Variants in TTC23 observed in about 807,000 individuals in gnomAD.
TTC23 encodes the protein tetratricopeptide repeat protein 23.
A neutral mutation model predicts 55.1 loss-of-function variants in TTC23; 58 were observed. That is an observed-to-expected ratio of 1.05 (90% CI 0.85 to 1.31). TTC23 has a LOEUF of 1.31. Among genes scored for constraint, TTC23 ranks in the 50% most tolerant of loss-of-function variants. The probability of loss-of-function intolerance (pLI) is 0.00; values close to 1 mark genes in which losing one functional copy is unlikely to be tolerated. For synonymous variants in TTC23, 203 were observed against 199.9 expected (o/e 1.02, Z -0.13); for missense variants, 516 against 534.4 (o/e 0.97, Z 0.34).
At chr15:99,228,492 C>G in intron 5 of TTC23, 41 bp downstream of exon 5, 2 of 1,533,504 alleles carry the variant, frequency 1.3e-6, no homozygotes, top group Non-Finnish European at 1.8e-6. Flanking sequence ...CCATATAGCT[C>G]AATTCTCAGA....
chr15:99,248,771 A>G (rs1474220917), intron 1 of TTC23, among the ~76,000 whole-genome samples: 3 of 152,244 alleles, frequency 2.0e-5, no homozygotes, highest in African/African-American at 7.2e-5. Flanking sequence ...CATGTTCATC[A>G]ACGTTTCCTT....
chr15:99,142,444 T>G (rs782518127), intron 12 of TTC23, among the ~76,000 whole-genome samples: 3 of 152,242 alleles, frequency 2.0e-5, no homozygotes, highest in Admixed American at 6.5e-5. Context: ...TTTATATATT[T>G]ATGAGTGCCT....
chr15:99,136,676 C>G lies in TTC23; in HGVS notation c.*1334G>C, dbSNP rs1165186204. The stretch of plus-strand genomic sequence containing the variant: ...ATCCCTTTGGGGATTAGGGCTTCAA[C>G]GTGAATTGGGAGCATATGAACATTC... On this transcript the variant is annotated 3_prime_UTR_variant, in exon 14 of 14. Coordinates refer to ENST00000394132, the MANE Select transcript of TTC23 (RefSeq NM_001288615.3). 6.6e-6 allele frequency: 1 copy of G among 152,320 alleles called. No homozygotes were observed. Among genetic ancestry groups the G allele is most frequent in the African/African-American group, 2.4e-5 (1 of 41,452 alleles). 9.4% of individuals were successfully genotyped at this position (152,320 alleles called of 1,614,324 possible). A position where few individuals can be genotyped will look rare whatever the true frequency, so the allele number is the denominator to read the frequency against.
intron 12 of TTC23, among the ~76,000 whole-genome samples, chr15:99,143,487 TAA>T (rs367580374): frequency 1.6e-3 from 244 of 152,326 alleles, no homozygotes; most frequent in African/African-American, 5.6e-3. Flanking sequence ...CCACCATAAA[TAA>T]AGATATTCTG....
intron 8 of TTC23, among the ~76,000 whole-genome samples, chr15:99,201,527 G>A (rs904641010): frequency 6.6e-6 from 1 of 152,094 alleles, no homozygotes; most frequent in African/African-American, 2.4e-5. Context: ...ACCTATTTTT[G>A]CTCTCCAGAG....
At position 99,231,237 on chromosome 15, in the gene TTC23, T is replaced by C. The variant is rs139724012; in HGVS notation, c.-20-2505A>G. On this transcript the variant is annotated intron_variant, in intron 4 of 13. Transcript: ENST00000394132. ...CTGTTACTGGTTTATATATTTAATA[T>C]ACTACATTTTATACTTATTTTAGAG... 1.6e-3 allele frequency among the ~76,000 whole-genome samples: 247 copies of C among 152,380 alleles called. 1 individual carries two copies. The highest frequency in any genetic ancestry group is 2.6e-3 in the Non-Finnish European group (176 of 68,038).
chr15:99,139,831 C>T (rs782482259), intron 12 of TTC23: 24 of 1,056,326 alleles, frequency 2.3e-5, no homozygotes, highest in Non-Finnish European at 2.8e-5. Flanking sequence ...ATACTCTTGA[C>T]TACACAGCAA....
intron 3 of TTC23, among the ~76,000 whole-genome samples, chr15:99,240,121 C>T (rs1597033878): frequency 6.6e-6 from 1 of 152,270 alleles, no homozygotes; most frequent in African/African-American, 2.4e-5. Context: ...AACAGGAATG[C>T]AACATCTTCA....
At chr15:99,210,835 C>T (rs1895962200) in intron 8 of TTC23, among the ~76,000 whole-genome samples, 1 of 152,146 alleles carries the variant, frequency 6.6e-6, no homozygotes, top group Admixed American at 6.5e-5. Context: ...TCTGGAGCAG[C>T]TTATGGAACT....
At chr15:99,235,605 C>T (rs1476539691) in intron 3 of TTC23, among the ~76,000 whole-genome samples, 1 of 152,070 alleles carries the variant, frequency 6.6e-6, no homozygotes, top group East Asian at 1.9e-4. Context: ...CTCCTGACCT[C>T]GTGATCCGCC....
intron 8 of TTC23, among the ~76,000 whole-genome samples, chr15:99,217,298 T>C (rs1217738122): frequency 1.3e-5 from 2 of 151,814 alleles, no homozygotes; most frequent in African/African-American, 2.4e-5. Context: ...GCTGGGATTA[T>C]AGGCATGCGC....
intron 10 of TTC23, among the ~76,000 whole-genome samples, chr15:99,168,619 C>G (rs1205599532): frequency 6.6e-6 from 1 of 152,220 alleles, no homozygotes; most frequent in Admixed American, 6.5e-5. Context: ...GCTGCTCATG[C>G]ACTTCAGCCT....
chr15:99,177,657 A>T (rs1393097460), intron 9 of TTC23, among the ~76,000 whole-genome samples: 1 of 152,276 alleles, frequency 6.6e-6, no homozygotes, highest in African/African-American at 2.4e-5. Flanking sequence ...GCTTTAACTC[A>T]TATGATGCAA....
intron 1 of TTC23, among the ~76,000 whole-genome samples, chr15:99,247,056 A>G: frequency 6.6e-6 from 1 of 152,260 alleles, no homozygotes; most frequent in East Asian, 1.9e-4. Context: ...GTCAACAAGC[A>G]CATGAAAAGA....
chr15:99,207,186 C>G (rs2076691763), intron 8 of TTC23, among the ~76,000 whole-genome samples: 1 of 152,046 alleles, frequency 6.6e-6, no homozygotes, highest in African/African-American at 2.4e-5. Flanking sequence ...CAAATAAGAA[C>G]AGAAAAGATA....
At chr15:99,230,157 G>A (rs775971545) in intron 4 of TTC23, among the ~76,000 whole-genome samples, 2 of 152,186 alleles carry the variant, frequency 1.3e-5, no homozygotes, top group East Asian at 1.9e-4. Context: ...TACAATAATT[G>A]TATTCTATAT....
At chr15:99,230,110 C>G (rs939311086) in intron 4 of TTC23, among the ~76,000 whole-genome samples, 4 of 152,086 alleles carry the variant, frequency 2.6e-5, no homozygotes, top group African/African-American at 9.7e-5. Context: ...AGAATTGACA[C>G]AGATGTTAAA....
chr15:99,203,114 T>C (rs2076329108), intron 8 of TTC23, among the ~76,000 whole-genome samples: 2 of 152,196 alleles, frequency 1.3e-5, no homozygotes, highest in Non-Finnish European at 2.9e-5. Flanking sequence ...GTCCAAATAA[T>C]AGGCAAAATC....
At chr15:99,185,855 T>C (rs1240194686) in intron 9 of TTC23, among the ~76,000 whole-genome samples, 3 of 152,210 alleles carry the variant, frequency 2.0e-5, no homozygotes, top group Non-Finnish European at 4.4e-5. Context: ...CTCCAGGACT[T>C]GGTTTATTTT....
Sources: allele counts gnomAD v4.1 joint callset (sites outside exome capture counted in the v4.1 genomes callset), GRCh38; gene constraint gnomAD v4.1.1; transcripts MANE v1.5; gene names NCBI Gene and HGNC (gene_info 2026-07-23, HGNC 2026-07-21).